The following ACKR2 variants were observed in gnomAD, a reference collection of about 807,000 sequenced individuals.
ACKR2 encodes C-C chemokine receptor D6.
For synonymous variants in ACKR2, 207 were observed against 192.2 expected (o/e 1.08, Z -0.64); for missense variants, 457 against 477.3 (o/e 0.96, Z 0.40).
intron 2 of ACKR2, among the ~76,000 whole-genome samples, chr3:42,859,362 G>C (rs568499276): frequency 6.6e-6 from 1 of 152,058 alleles, no homozygotes; most frequent in Admixed American, 6.5e-5. Context: ...AGAGAGTGGG[G>C]GTCCAATATT....
intron 2 of ACKR2, chr3:42,835,748 G>A: frequency 6.6e-6 from 1 of 152,120 alleles, no homozygotes; most frequent in Non-Finnish European, 1.5e-5. Flanking sequence ...CTTTTTCCTT[G>A]GCTGCATTAA....
intron 2 of ACKR2, among the ~76,000 whole-genome samples, chr3:42,830,069 T>C (rs1559686378): frequency 6.6e-6 from 1 of 151,976 alleles, no homozygotes; most frequent in African/African-American, 2.4e-5. Context: ...CTCTTTCAAA[T>C]ACCCCTTATA....
At chr3:42,861,319 G>A (rs2088382309) in intron 2 of ACKR2, among the ~76,000 whole-genome samples, 2 of 152,200 alleles carry the variant, frequency 1.3e-5, no homozygotes, top group Non-Finnish European at 2.9e-5. Context: ...CCAGGAAGAA[G>A]TCGAATCCCT....
intron 2 of ACKR2, chr3:42,851,264 G>C: frequency 4.3e-6 from 3 of 702,860 alleles, no homozygotes; most frequent in Non-Finnish European, 5.2e-6. Flanking sequence ...ATGAGGGCTG[G>C]GGCAAGGGCA....
At chr3:42,836,111 T>C (rs1374400850) in intron 2 of ACKR2, among the ~76,000 whole-genome samples, 2 of 151,852 alleles carry the variant, frequency 1.3e-5, no homozygotes. Flanking sequence ...CCCAGAAAAA[T>C]CTCATATCTA....
chr3:42,849,132 C>T (rs953112973), intron 2 of ACKR2, among the ~76,000 whole-genome samples: 1 of 151,642 alleles, frequency 6.6e-6, no homozygotes, highest in African/African-American at 2.4e-5. Context: ...GTAGATTACT[C>T]AATAGTATCA....
chr3:42,856,266 G>A (rs558879380), intron 2 of ACKR2: 166 of 651,178 alleles, frequency 2.5e-4, no homozygotes, highest in South Asian at 1.2e-3. Flanking sequence ...CAGGTCATGT[G>A]TGGTTTCCAC....
chr3:42,853,435 A>G (rs937502770), intron 2 of ACKR2, among the ~76,000 whole-genome samples: 2 of 152,022 alleles, frequency 1.3e-5, no homozygotes, highest in Non-Finnish European at 2.9e-5. Context: ...AGTTGTTATT[A>G]TTGTTATTTT....
rs200088408 is a variant in ACKR2, at chr3:42,854,489, TG to T, written c.-37-9970del. Among the ~76,000 whole-genome samples, 145 of 152,110 alleles carry T rather than the reference TG, an allele frequency of 9.5e-4. No individual in the cohort carries two copies. The East Asian group carries it at 0.02, about 21-fold the overall frequency. ...GTTTGATCCATTTTGAAAGGGAGTGTGGGGGGGAAGGGGTCGTCACTTCCAC... is the reference window on the plus strand; with the variant it reads ...GTTTGATCCATTTTGAAAGGGAGTGTGGGGGGAAGGGGTCGTCACTTCCAC... On this transcript the variant is annotated intron_variant, in intron 2 of 2. Coordinates refer to ENST00000422265, the MANE Select transcript of ACKR2 (RefSeq NM_001296.5).
chr3:42,821,410 CA>C (rs1337541871), intron 2 of ACKR2, among the ~76,000 whole-genome samples: 1 of 152,172 alleles, frequency 6.6e-6, no homozygotes, highest in African/African-American at 2.4e-5. Flanking sequence ...AGCTCACTTC[CA>C]TTTCCTACGT....
intron 2 of ACKR2, among the ~76,000 whole-genome samples, chr3:42,823,148 A>G (rs778823551): frequency 2.7e-4 from 41 of 152,186 alleles, no homozygotes; most frequent in Non-Finnish European, 5.0e-4. Context: ...GTGGCGGGAC[A>G]GTCTTCTCCT....
intron 1 of ACKR2, among the ~76,000 whole-genome samples, chr3:42,816,023 G>A (rs1700744715): frequency 6.6e-6 from 1 of 152,016 alleles, no homozygotes; most frequent in South Asian, 2.1e-4. Flanking sequence ...ACAATAATAG[G>A]TCCTACTTAG....
At chr3:42,845,862 A>AG (rs1389931200) in intron 2 of ACKR2, among the ~76,000 whole-genome samples, 1 of 151,502 alleles carries the variant, frequency 6.6e-6, no homozygotes, top group African/African-American at 2.4e-5. Flanking sequence ...AAAAAAAAAA[A>AG]AAAGAAAAAA....
chr3:42,820,725 T>TTA (rs1700801750), intron 2 of ACKR2, among the ~76,000 whole-genome samples: 1 of 100,494 alleles, frequency 1.0e-5, no homozygotes, highest in East Asian at 2.4e-4. Flanking sequence ...AAAATAACAG[T>TTA]AAAAAAAAAA....
At chr3:42,812,680 C>CTTTTTTTTTTTTTTTTTTT (rs71616070) in intron 1 of ACKR2, among the ~76,000 whole-genome samples, 2 of 72,758 alleles carry the variant, frequency 2.7e-5, no homozygotes, top group African/African-American at 5.5e-5. Context: ...AATTTTCAGC[C>CTTTTTTTTTTTTTTTTTTT]TTTTTTTTTT....
intron 2 of ACKR2, among the ~76,000 whole-genome samples, chr3:42,845,726 G>T (rs930033777): frequency 6.6e-6 from 1 of 151,762 alleles, no homozygotes; most frequent in East Asian, 1.9e-4. Context: ...GCGCATGCCT[G>T]TCATCCCAGC....
intron 1 of ACKR2, among the ~76,000 whole-genome samples, chr3:42,819,329 G>A (rs2125603570): frequency 6.6e-6 from 1 of 152,242 alleles, no homozygotes; most frequent in South Asian, 2.1e-4. Context: ...GTATAAGTAT[G>A]GGACTAGATT....
At chr3:42,817,770 A>G (rs939386365) in intron 1 of ACKR2, among the ~76,000 whole-genome samples, 1 of 152,170 alleles carries the variant, frequency 6.6e-6, no homozygotes, top group Non-Finnish European at 1.5e-5. Context: ...TACTGAAACA[A>G]CAATAGTAAA....
chr3:42,821,711 T>G (rs535850935), intron 2 of ACKR2, among the ~76,000 whole-genome samples: 28 of 152,218 alleles, frequency 1.8e-4, no homozygotes, highest in African/African-American at 6.7e-4. Flanking sequence ...TTTTGTTTTT[T>G]TTTTAGAGAG....
Sources: gnomAD v4.1 joint callset for allele counts (sites outside exome capture counted in the v4.1 genomes callset) on GRCh38, gnomAD v4.1.1 for gene constraint, MANE v1.5 for transcripts, NCBI Gene and HGNC (gene_info 2026-07-23, HGNC 2026-07-21) for gene names.